Variants in DBR1 observed in about 807,000 individuals in gnomAD.
DBR1 encodes lariat debranching enzyme.
A neutral mutation model predicts 45.9 loss-of-function variants in DBR1; 33 were observed. That is an observed-to-expected ratio of 0.72 (90% confidence interval 0.55 to 0.96). The LOEUF (loss-of-function observed/expected upper bound fraction) is 0.96, where lower values mean the gene tolerates loss of function less well. Among genes scored for constraint, DBR1 ranks in the 40% least tolerant of loss-of-function variants. The probability of loss-of-function intolerance (pLI) is 0.00; values close to 1 mark genes in which losing one functional copy is unlikely to be tolerated. For missense variants in DBR1, 619 were observed against 667.4 expected, an observed-to-expected ratio of 0.93 and a Z score of 0.80; for synonymous variants, 235 against 235.9, an observed-to-expected ratio of 1.00 and a Z score of 0.04.
rs747616900 is a variant in DBR1, at chr3:138,162,550, T to G, written c.974A>C (p.Lys325Thr). ...ATGATTCAATTTTTCCAATACTTCTTTCATACCTTCTTCTGTTGCACTATA... is the reference window on the plus strand; with the variant it reads ...ATGATTCAATTTTTCCAATACTTCTGTCATACCTTCTTCTGTTGCACTATA... ...WDYSATEEGMKEVLEKLNHDL... is the reference protein window; with the variant it reads ...WDYSATEEGMTEVLEKLNHDL... The change falls in exon 8 of 8, where the codon AAA becomes ACA. Residue 325 changes from lysine (K) to threonine (T), a missense_variant. Transcript: ENST00000260803. 9 of 1,612,068 alleles carry G rather than the reference T, an allele frequency of 5.6e-6. No individual in the cohort carries two copies. The South Asian group carries it at 7.7e-5, about 14-fold the overall frequency.
intron 3 of DBR1, chr3:138,171,240 G>A (rs1137760): frequency 0.63 from 97,292 of 153,550 alleles, 31,277 homozygotes; most frequent in Non-Finnish European, 0.69. Flanking sequence ...GGGAGGCAGA[G>A]GTGGGTGGGA....
intron 5 of DBR1, among the ~76,000 whole-genome samples, chr3:138,165,361 T>C (rs906079769): frequency 1.3e-5 from 2 of 152,210 alleles, no homozygotes; most frequent in African/African-American, 4.8e-5. Context: ...CTGAAAATTG[T>C]GTGTCATGTC....
rs768434783 is a variant in DBR1 at position 138,163,419 on chromosome 3, C to T, written c.871G>A (p.Ala291Thr). The change falls in exon 7 of 8, where the codon GCT (alanine) becomes ACT (threonine). Residue 291 changes from alanine to threonine, a missense_variant. Physicochemically the swap from Ala to Thr is moderately conservative, Grantham distance 58. Around this residue, in one of 3 missense-constraint regions of DBR1, gnomAD observed 430 missense variants for 447.7 expected, o/e 0.96. Coordinates refer to ENST00000260803, the MANE Select transcript of DBR1 (RefSeq NM_016216.4). The stretch of plus-strand genomic sequence containing the variant: ...GTCACATTAATAAGATCATCCGTAG[C>T]CCTGAGAATAGTGAGCCATTCAATA... The part of the protein sequence containing the change: ...YDIEWLTILR[A>T]TDDLINVTGR... 1.2e-6 allele frequency: 2 copies of T among 1,613,842 alleles called. No homozygotes were observed. The highest frequency in any genetic ancestry group is 1.7e-6 in the Non-Finnish European group (2 of 1,179,764).
Position 138,171,632 on chromosome 3 carries a change from C to T in DBR1, c.403+1G>A. On this transcript the variant is annotated splice_donor_variant, in intron 3 of 7. Coordinates refer to ENST00000260803, the MANE Select transcript of DBR1 (RefSeq NM_016216.4). LOFTEE classifies it high-confidence loss of function. ...TTTAAAAATAATTCTCAAAACAATACCTTTTCGATAGTCATGAGATTTAAA... is the reference window on the plus strand; with the variant it reads ...TTTAAAAATAATTCTCAAAACAATATCTTTTCGATAGTCATGAGATTTAAA... 1 of 1,607,996 alleles carries T rather than the reference C, an allele frequency of 6.2e-7. No homozygotes were observed. Among genetic ancestry groups the T allele is most frequent in the Middle Eastern group, 1.7e-4 (1 of 5,970 alleles).
chr3:138,171,110 G>A (rs1456626594), intron 3 of DBR1, among the ~76,000 whole-genome samples: 5 of 152,070 alleles, frequency 3.3e-5, no homozygotes, highest in African/African-American at 4.8e-5. Context: ...ACGGGATTGA[G>A]GACAGATAAA....
rs2042910229 is a variant in DBR1, at chr3:138,162,089, A to G, written c.1435T>C (p.Ser479Pro). 2.5e-6 allele frequency: 4 copies of G among 1,614,188 alleles called. No individual in the cohort carries two copies. Among genetic ancestry groups the G allele is most frequent in the Non-Finnish European group, 3.4e-6 (4 of 1,180,032 alleles). ...RILPGSMIVS[S>P]DDTVDSTIDR... Reference sequence around the variant, plus strand: ...ATTGTGGAATCCACCGTATCATCAGAAGATACAATCATAGAGCCTGGCAAG... The same window carrying G: ...ATTGTGGAATCCACCGTATCATCAGGAGATACAATCATAGAGCCTGGCAAG... Residue 479 changes from serine to proline, a missense_variant, in exon 8 of 8, where the codon TCT (serine) becomes CCT (proline). By Grantham distance (74) the Ser-to-Pro change is moderately conservative (BLOSUM62 -1). Around this residue, in one of 3 missense-constraint regions of DBR1, gnomAD observed 182 missense variants for 196.1 expected, o/e 0.93. Coordinates refer to ENST00000260803, the MANE Select transcript of DBR1 (RefSeq NM_016216.4).
chr3:138,170,300 G>A (rs1040708833), intron 3 of DBR1, 108 bp from the exon 4 acceptor site: 5 of 670,630 alleles, frequency 7.5e-6, no homozygotes, highest in African/African-American at 5.7e-5. Flanking sequence ...CAATATATAC[G>A]ATTTTAAAAA....
Position 138,167,068 on chromosome 3 carries a change from T to C in DBR1, c.714+13A>G, listed in dbSNP as rs752501297. On this transcript the variant is annotated intron_variant, in intron 5 of 7. Coordinates refer to ENST00000260803, the MANE Select transcript of DBR1 (RefSeq NM_016216.4). ...TGTGTGTTAAATGAAAGAATAAACA[T>C]TTTGTTTTCTACCTGATGCTGCATC... The C allele has an allele frequency of 5.6e-6, 9 of 1,610,360 alleles. No individual in the cohort carries two copies. The highest frequency in any genetic ancestry group is 7.6e-6 in the Non-Finnish European group (9 of 1,176,644).
At position 138,162,110 on chromosome 3, in the gene DBR1, G is replaced by A; in HGVS notation, c.1414C>T (p.Pro472Ser). 1 of 1,614,110 alleles carries A rather than the reference G, an allele frequency of 6.2e-7. No homozygotes were observed. The highest frequency in any genetic ancestry group is 8.5e-7 in the Non-Finnish European group (1 of 1,180,028). Residue 472 changes from proline to serine, a missense_variant, in exon 8 of 8, where the codon CCA becomes TCA. By Grantham distance (74) the Pro-to-Ser change is moderately conservative. Around this residue, in one of 3 missense-constraint regions of DBR1, gnomAD observed 182 missense variants for 196.1 expected, o/e 0.93. Transcript: ENST00000260803. ...SASFSDVRIL[P>S]GSMIVSSDDT... Reference sequence around the variant, plus strand: ...TCAGAAGATACAATCATAGAGCCTGGCAAGATCCTGACATCAGAGAAACTT... The same window carrying A: ...TCAGAAGATACAATCATAGAGCCTGACAAGATCCTGACATCAGAGAAACTT...
At chr3:138,168,123 T>A (rs1036624720) in intron 4 of DBR1, among the ~76,000 whole-genome samples, 1 of 152,224 alleles carries the variant, frequency 6.6e-6, no homozygotes, top group African/African-American at 2.4e-5. Context: ...AAATTAGTAT[T>A]TCATTAAACA....
At chr3:138,172,143 C>T (rs964800302) in intron 2 of DBR1, among the ~76,000 whole-genome samples, 2 of 152,170 alleles carry the variant, frequency 1.3e-5, no homozygotes, top group African/African-American at 4.8e-5. Flanking sequence ...CATCTTCTGA[C>T]AATTTCACTT....
At chr3:138,170,954 G>C (rs1019103752) in intron 3 of DBR1, among the ~76,000 whole-genome samples, 1 of 152,078 alleles carries the variant, frequency 6.6e-6, no homozygotes, top group Admixed American at 6.6e-5. Context: ...CAAGCAATAC[G>C]ATACATTTAT....
At chr3:138,162,734 A>G in intron 7 of DBR1, 152 bp from the exon 8 acceptor site, 5 of 706,352 alleles carry the variant, frequency 7.1e-6, no homozygotes, top group South Asian at 2.0e-5. Flanking sequence ...GCAAAGGACC[A>G]TTTAGAAAAA....
At position 138,174,734 on chromosome 3, in the gene DBR1, G is replaced by A; in HGVS notation, c.62C>T (p.Ala21Val). 2 of 1,612,666 alleles carry A rather than the reference G, an allele frequency of 1.2e-6. No homozygotes were observed. Among genetic ancestry groups the A allele is most frequent in the South Asian group, 1.1e-5 (1 of 90,932 alleles). The change falls in exon 1 of 8, where the codon GCG (alanine) becomes GTG (valine). Residue 21 changes from alanine (A) to valine (V), a missense_variant. Transcript: ENST00000260803. ...GELDKIYETL[A>V]LAERRGPGPV... is the part of the protein sequence containing the mutation. ...CCCCGGGCCGCGCCGCTCTGCCAGCGCCAGCGTCTCATAGATCTTATCCAG... is the reference window on the plus strand; with the variant it reads ...CCCCGGGCCGCGCCGCTCTGCCAGCACCAGCGTCTCATAGATCTTATCCAG...
At chr3:138,169,960 G>T in intron 4 of DBR1, 147 bp downstream of exon 4, 1 of 628,642 alleles carries the variant, frequency 1.6e-6, no homozygotes. Context: ...AGGTTCATCT[G>T]TGAACCTCCT....
At position 138,167,066 on chromosome 3, in the gene DBR1, C is replaced by A. The variant is rs367682196; in HGVS notation, c.714+15G>T. 3 of 1,608,638 alleles carry A rather than the reference C, an allele frequency of 1.9e-6. No homozygotes were observed. The African/African-American group carries it at 4.0e-5, about 21-fold the overall frequency. Reference sequence around the variant, plus strand: ...AGTGTGTGTTAAATGAAAGAATAAACATTTTGTTTTCTACCTGATGCTGCA... The same window carrying A: ...AGTGTGTGTTAAATGAAAGAATAAAAATTTTGTTTTCTACCTGATGCTGCA... On this transcript the variant is annotated intron_variant, in intron 5 of 7. Coordinates refer to ENST00000260803, the MANE Select transcript of DBR1 (RefSeq NM_016216.4).
Position 138,162,285 on chromosome 3 carries a change from T to C in DBR1, c.1239A>G (p.Glu413=), listed in dbSNP as rs1405720031. 9 of 1,614,080 alleles carry C rather than the reference T, an allele frequency of 5.6e-6. No homozygotes were observed. Among genetic ancestry groups the C allele is most frequent in the Admixed American group, 5.0e-5 (3 of 60,014 alleles). ...ACAGAGCAGATGTGTCTGTATTATA[T>C]TCACTCTGGTCTTCTCCAGAGTCAT... ...ESNDSGEDQS[E]YNTDTSALSS... Residue 413 remains glutamate, a synonymous_variant, in exon 8 of 8, where the codon GAA becomes GAG. Transcript: ENST00000260803.
rs374340614 is a variant in DBR1, at chr3:138,170,103, G to A, written c.489+4C>T. ...AAGTCTGCTGTAATGCGCTTTTTACGTACCTGTTTTAATTTATAGACTTCA... is the reference window on the plus strand; with the variant it reads ...AAGTCTGCTGTAATGCGCTTTTTACATACCTGTTTTAATTTATAGACTTCA... On this transcript the variant is annotated splice_donor_region_variant and intron_variant, in intron 4 of 7. Coordinates refer to ENST00000260803, the MANE Select transcript of DBR1 (RefSeq NM_016216.4). 135 of 1,535,302 alleles carry A rather than the reference G, an allele frequency of 8.8e-5. No homozygotes were observed. The highest frequency in any genetic ancestry group is 4.0e-4 in the South Asian group (35 of 86,764).
chr3:138,173,689 GAAA>G, intron 1 of DBR1, 63 bp from the exon 2 acceptor site: 2 of 1,138,568 alleles, frequency 1.8e-6, no homozygotes, highest in Non-Finnish European at 2.4e-6. Context: ...AATAAGTTCC[GAAA>G]AAAAAAAAGA....
Sources: gnomAD v4.1 joint callset for allele counts (sites outside exome capture counted in the v4.1 genomes callset) on GRCh38, gnomAD v4.1.1 for gene constraint, gnomAD v4.1.1 regional missense constraint, MANE v1.5 for transcripts, NCBI Gene and HGNC (gene_info 2026-07-23, HGNC 2026-07-21) for gene names.